QSOX1: variants seen among roughly 807,000 people sequenced by gnomAD.
The protein encoded by QSOX1 is sulfhydryl oxidase 1.
QSOX1 carries 40 observed loss-of-function variants against 76.1 expected under a neutral mutation model. The ratio of observed to expected loss-of-function variants is 0.53; its 90% CI spans 0.41 to 0.68. QSOX1 has a LOEUF of 0.68. Ranked by LOEUF, QSOX1 falls within the 30% of genes least tolerant of loss-of-function variation. The pLI, the probability that QSOX1 is intolerant of heterozygous loss-of-function variation, is 0.00. For missense variants in QSOX1, 931 were observed against 974.3 expected, an observed-to-expected ratio of 0.96 and a Z score of 0.59; for synonymous variants, 392 against 413.1, an observed-to-expected ratio of 0.95 and a Z score of 0.62.
At chr1:180,183,181 C>G (rs1382632982) in intron 6 of QSOX1, among the ~76,000 whole-genome samples, 1 of 152,126 alleles carries the variant, frequency 6.6e-6, no homozygotes, top group African/African-American at 2.4e-5. Flanking sequence ...GCCATCTGCT[C>G]ACCGAGAAAC....
chr1:180,177,935 G>A (rs1454824140), intron 4 of QSOX1, among the ~76,000 whole-genome samples: 1 of 152,172 alleles, frequency 6.6e-6, no homozygotes. Context: ...TTAAAATAAG[G>A]AGATTGGGTT....
chr1:180,159,854 T>C (rs1335882017), intron 1 of QSOX1, among the ~76,000 whole-genome samples: 1 of 152,182 alleles, frequency 6.6e-6, no homozygotes, highest in Non-Finnish European at 1.5e-5. Context: ...CCTAGAAATA[T>C]TATTTAACAG....
chr1:180,155,192 C>T lies in QSOX1; in HGVS notation c.265+20C>T, dbSNP rs779877621. 52 of 1,472,558 alleles carry T rather than the reference C, an allele frequency of 3.5e-5. No individual in the cohort carries two copies. In the African/African-American group the frequency reaches 6.4e-4, roughly 18 times the overall value. The allele number at this position is 1,472,558 out of a possible 1,614,324, so 91.2% of individuals were successfully genotyped here. A position where few individuals can be genotyped will look rare whatever the true frequency, so the allele number is the denominator to read the frequency against. On this transcript the variant is annotated intron_variant, in intron 1 of 11. Coordinates refer to ENST00000367602, the MANE Select transcript of QSOX1 (RefSeq NM_002826.5). ...TCAAAGGTGAGAAGCGGGGGCGGCC[C>T]GCTCCCCCGTGCCCCGCCGCCCGGA...
Position 180,201,016 on chromosome 1 carries a change from C to T in QSOX1, c.*3979C>T, listed in dbSNP as rs1319062217. On this transcript the variant is annotated 3_prime_UTR_variant, in exon 12 of 12. Transcript: ENST00000367602. ...TTCCCTACATCGAGGCTGAAGTGCC[C>T]TGTCTCGGGTCCTTGTTTTTAGGCC... 1.3e-5 allele frequency: 2 copies of T among 152,228 alleles called. No individual in the cohort carries two copies. Among genetic ancestry groups the T allele is most frequent in the South Asian group, 2.1e-4 (1 of 4,830 alleles). The allele number at this position is 152,228 out of a possible 1,614,324, so 9.4% of individuals were successfully genotyped here. A position where few individuals can be genotyped will look rare whatever the true frequency, so the allele number is the denominator to read the frequency against.
In QSOX1 at chr1:180,200,415, G is replaced by T. The variant is rs1311291699; in HGVS notation, c.*3378G>T. 1 of 152,098 alleles carries T rather than the reference G, an allele frequency of 6.6e-6. No individual in the cohort carries two copies. Among genetic ancestry groups the T allele is most frequent in the African/African-American group, 2.4e-5 (1 of 41,412 alleles). The allele number at this position is 152,098 out of a possible 1,614,324, so 9.4% of individuals were successfully genotyped here. A position where few individuals can be genotyped will look rare whatever the true frequency, so the allele number is the denominator to read the frequency against. On this transcript the variant is annotated 3_prime_UTR_variant, in exon 12 of 12. Transcript: ENST00000367602. Reference sequence around the variant, plus strand: ...TGTCCCTGGAGCTGGGCCTCCAGGTGGCAAGCCCCAAGCCACCCCGGCAGG... The same window carrying T: ...TGTCCCTGGAGCTGGGCCTCCAGGTTGCAAGCCCCAAGCCACCCCGGCAGG...
chr1:180,171,085 G>C lies in QSOX1; in HGVS notation c.367-4236G>C, dbSNP rs530333342. 1.1e-4 allele frequency among the ~76,000 whole-genome samples: 17 copies of C among 152,296 alleles called. No homozygotes were observed. In the South Asian group the frequency reaches 2.9e-3, roughly 26 times the overall value. ...GAAGAGATTTGAGGAGGAGCAAAAT[G>C]TTCAGACCAGAACTGTGCCTTAGAA... On this transcript the variant is annotated intron_variant, in intron 2 of 11. Coordinates refer to ENST00000367602, the MANE Select transcript of QSOX1 (RefSeq NM_002826.5).
intron 2 of QSOX1, 90 bp from the exon 3 acceptor site, chr1:180,175,231 A>G (rs1159910817): frequency 8.3e-7 from 1 of 1,209,126 alleles, no homozygotes; most frequent in Non-Finnish European, 1.2e-6. Context: ...CACCGCATTG[A>G]ATAAGTAGGC....
intron 7 of QSOX1, among the ~76,000 whole-genome samples, chr1:180,184,492 C>CCCTACAG (rs1663120969): frequency 3.7e-5 from 2 of 54,184 alleles, no homozygotes; most frequent in Admixed American, 2.0e-4. Flanking sequence ...CTTGTGCAGA[C>CCCTACAG]CCTACAGCAT....
At position 180,196,146 on chromosome 1, in the gene QSOX1, G is replaced by C; in HGVS notation, c.1469-116G>C. On this transcript the variant is annotated intron_variant, in intron 11 of 11. Coordinates refer to ENST00000367602, the MANE Select transcript of QSOX1 (RefSeq NM_002826.5). The surrounding 1 kb of genome is among the most constrained non-coding windows in gnomAD (Gnocchi z 4.1). Reference sequence around the variant, plus strand: ...TTCTAATTACCCATCCTCTGGAAGGGCAGTGGCGAGCCCTTTCTGCAGACA... The same window carrying C: ...TTCTAATTACCCATCCTCTGGAAGGCCAGTGGCGAGCCCTTTCTGCAGACA... The C allele has an allele frequency of 7.7e-7, 1 of 1,290,552 alleles. No homozygotes were observed. The highest frequency in any genetic ancestry group is 1.1e-6 in the Non-Finnish European group (1 of 937,694). 79.9% of individuals were successfully genotyped at this position (1,290,552 alleles called of 1,614,324 possible).
At chr1:180,186,406 G>T (rs576310894) in intron 8 of QSOX1, among the ~76,000 whole-genome samples, 1 of 152,226 alleles carries the variant, frequency 6.6e-6, no homozygotes, top group African/African-American at 2.4e-5. Context: ...CCATGCAGCA[G>T]TGTGGGTGGG....
At position 180,196,851 on chromosome 1, in the gene QSOX1, G is replaced by A. The variant is rs1663504743; in HGVS notation, c.2058G>A (p.Leu686=). 7 of 1,605,738 alleles carry A rather than the reference G, an allele frequency of 4.4e-6. No homozygotes were observed. The highest frequency in any genetic ancestry group is 4.0e-5 in the African/African-American group (3 of 74,904). The part of the protein sequence containing the change: ...KQLVDIPEGQ[L]EARAGRGRGQ... The stretch of plus-strand genomic sequence containing the variant: ...TGGTCGACATCCCTGAGGGCCAGCT[G>A]GAGGCCCGAGCTGGACGGGGCCGAG... Residue 686 remains leucine, a synonymous_variant, in exon 12 of 12, where the codon CTG becomes CTA. Transcript: ENST00000367602. This position sits in a 1 kb window ranked among gnomAD's most constrained non-coding sequence, Gnocchi z 4.1.
intron 7 of QSOX1, 73 bp downstream of exon 7, chr1:180,184,123 G>T (rs1001909087): frequency 1.2e-5 from 18 of 1,528,004 alleles, no homozygotes; most frequent in Non-Finnish European, 1.6e-5. Context: ...TCACACCCAC[G>T]CCCTCTTGCT....
intron 10 of QSOX1, 120 bp downstream of exon 10, chr1:180,190,700 A>T: frequency 7.9e-7 from 1 of 1,272,920 alleles, no homozygotes. Flanking sequence ...CTGCCAGAAG[A>T]TGGGGAGAGT....
intron 10 of QSOX1, among the ~76,000 whole-genome samples, chr1:180,192,419 T>C (rs1663341322): frequency 6.6e-6 from 1 of 152,194 alleles, no homozygotes; most frequent in Admixed American, 6.5e-5. Context: ...GAGGATGGGC[T>C]ACTGCAGGCA....
In QSOX1 at chr1:180,178,830, C is replaced by T. The variant is rs370933428; in HGVS notation, c.552C>T (p.Asn184=). 135 of 1,613,834 alleles carry T rather than the reference C, an allele frequency of 8.4e-5. No homozygotes were observed. The highest frequency in any genetic ancestry group is 1.0e-4 in the Non-Finnish European group (121 of 1,179,870). ...TTGATGGATTCTTTGCGAGAAATAA[C>T]GAAGAGTACCTGGCTCTGATCTTTG... The part of the protein sequence containing the change: ...EEIDGFFARN[N]EEYLALIFEK... The change falls in exon 5 of 12, where the codon AAC becomes AAT. Residue 184 remains asparagine, a synonymous_variant. Transcript: ENST00000367602.
chr1:180,180,299 C>T (rs1358709202), intron 5 of QSOX1, among the ~76,000 whole-genome samples: 1 of 152,244 alleles, frequency 6.6e-6, no homozygotes, highest in African/African-American at 2.4e-5. Context: ...CAACCTCCAC[C>T]TCCCAGGTTC....
rs1381863853 is a variant in QSOX1 at position 180,196,916 on chromosome 1, T to C, written c.2123T>C (p.Leu708Pro). 2.5e-6 allele frequency: 4 copies of C among 1,595,616 alleles called. No individual in the cohort carries two copies. The African/African-American group carries it at 4.0e-5, about 16-fold the overall frequency. Residue 708 changes from leucine (L) to proline (P), a missense_variant, in exon 12 of 12, where the codon CTG (leucine) becomes CCG (proline). Transcript: ENST00000367602. The surrounding 1 kb of genome is among the most constrained non-coding windows in gnomAD (Gnocchi z 4.1). ...GTGCTGGGAGGGGGCTTCTCTTACC[T>C]GGACATCAGCCTCTGTGTGGGGCTC... ...LQVLGGGFSY[L>P]DISLCVGLYS... is the part of the protein sequence containing the mutation.
At chr1:180,157,001 T>G (rs1662390154) in intron 1 of QSOX1, among the ~76,000 whole-genome samples, 1 of 152,226 alleles carries the variant, frequency 6.6e-6, no homozygotes, top group Non-Finnish European at 1.5e-5. Context: ...CCTCTTGCAA[T>G]GCAGAGTTTT....
At chr1:180,179,800 T>C (rs1662985819) in intron 5 of QSOX1, among the ~76,000 whole-genome samples, 1 of 152,224 alleles carries the variant, frequency 6.6e-6, no homozygotes, top group African/African-American at 2.4e-5. Context: ...TGAAGCCAGA[T>C]GCTGTCTCCA....
Sources: gnomAD v4.1 joint callset for allele counts (sites outside exome capture counted in the v4.1 genomes callset) on GRCh38, gnomAD v4.1.1 for gene constraint, Gnocchi (gnomAD v3.1) non-coding constraint, MANE v1.5 for transcripts, NCBI Gene and HGNC (gene_info 2026-07-23, HGNC 2026-07-21) for gene names.